The following FOXN2 variants were observed in gnomAD, a reference collection of about 807,000 sequenced individuals.
The protein encoded by FOXN2 is forkhead box protein N2.
In FOXN2, 19 loss-of-function variants were observed where a neutral mutation model predicts 41.2. The observed-to-expected ratio is 0.46, with a 90% CI of 0.32 to 0.68. The LOEUF is 0.68. Among genes scored for constraint, FOXN2 ranks in the 30% least tolerant of loss-of-function variants. The pLI is 0.03. For missense variants in FOXN2, 587 were observed against 509.4 expected, an observed-to-expected ratio of 1.15 and a Z score of -1.47; for synonymous variants, 195 against 176.8, an observed-to-expected ratio of 1.10 and a Z score of -0.82.
chr2:48,334,148 G>A (rs942322274), intron 2 of FOXN2, among the ~76,000 whole-genome samples: 6 of 152,008 alleles, frequency 3.9e-5, no homozygotes, highest in Non-Finnish European at 7.4e-5. Flanking sequence ...AAAAAATCTC[G>A]TTTTGAGAAT....
intron 1 of FOXN2, 101 bp from the exon 2 acceptor site, chr2:48,328,460 A>C (rs565598476): frequency 6.6e-5 from 10 of 152,330 alleles, no homozygotes; most frequent in African/African-American, 2.4e-4. Flanking sequence ...ATAGTTGTTA[A>C]ACTGTATTGT....
In FOXN2 at chr2:48,374,929, C is replaced by T. The variant is rs1673139659; in HGVS notation, c.782C>T (p.Pro261Leu). The T allele has an allele frequency of 1.2e-6, 2 of 1,609,082 alleles. No homozygotes were observed. The highest frequency in any genetic ancestry group is 1.7e-6 in the Non-Finnish European group (2 of 1,176,658). ...IEQGILECEK[P>L]LPLKTALQKK... The stretch of plus-strand genomic sequence containing the variant: ...CTTTTATTTTCCACAGGTGAGAAGC[C>T]TCTTCCTCTTAAAACAGCATTGCAA... The change falls in exon 7 of 7, where the codon CCT (proline) becomes CTT (leucine). Residue 261 changes from proline (P) to leucine (L), a missense_variant. Physicochemically the swap from Pro to Leu is moderately conservative, Grantham distance 98. Transcript: ENST00000340553.
At chr2:48,372,227 C>T (rs1469244645) in intron 5 of FOXN2, among the ~76,000 whole-genome samples, 2 of 152,084 alleles carry the variant, frequency 1.3e-5, no homozygotes, top group African/African-American at 4.8e-5. Context: ...TTCATAGTGG[C>T]CAGCATCTGA....
intron 4 of FOXN2, among the ~76,000 whole-genome samples, chr2:48,362,056 G>A (rs1672223398): frequency 6.6e-6 from 1 of 152,070 alleles, no homozygotes. Flanking sequence ...AGCCTATGTG[G>A]GAGATTTAAT....
rs149285586 is a variant in FOXN2 at position 48,327,181 on chromosome 2, TAAAAC to T, written c.-156-1363_-156-1359del. ...AAATGTCTCAAATTCAACAGGTTTT[TAAAAC>T]AAAACAAAACAAAACACTGCAAACA... On this transcript the variant is annotated intron_variant, in intron 1 of 6. Coordinates refer to ENST00000340553, the MANE Select transcript of FOXN2 (RefSeq NM_002158.4). Among the ~76,000 whole-genome samples, 1,334 of 151,870 alleles carry T rather than the reference TAAAAC, an allele frequency of 8.8e-3. 27 individuals are homozygous for T. The highest frequency in any genetic ancestry group is 0.03 in the African/African-American group (1,235 of 41,386).
chr2:48,318,459 A>G (rs1170126938), intron 1 of FOXN2, among the ~76,000 whole-genome samples: 3 of 152,200 alleles, frequency 2.0e-5, no homozygotes, highest in Non-Finnish European at 4.4e-5. Flanking sequence ...GTCTCATCAC[A>G]TCATATCAAG....
chr2:48,378,860 A>C lies in FOXN2; in HGVS notation c.*3417A>C, dbSNP rs529620313. 1 of 152,474 alleles carries C rather than the reference A, an allele frequency of 6.6e-6. No homozygotes were observed. The highest frequency in any genetic ancestry group is 6.6e-5 in the Admixed American group (1 of 15,262). The allele number at this position is 152,474 out of a possible 1,614,324, so 9.4% of individuals were successfully genotyped here. ...TTCTTTGCATCTAACTGCCAGTGCC[A>C]TTGTCAAAACTTATTTTTTAAATCG... On this transcript the variant is annotated 3_prime_UTR_variant, in exon 7 of 7. Coordinates refer to ENST00000340553, the MANE Select transcript of FOXN2 (RefSeq NM_002158.4).
intron 1 of FOXN2, among the ~76,000 whole-genome samples, chr2:48,320,128 G>A (rs1279654065): frequency 3.3e-5 from 5 of 151,972 alleles, no homozygotes; most frequent in Non-Finnish European, 7.4e-5. Flanking sequence ...CCTTTTGACT[G>A]CACCATGCCT....
chr2:48,363,965 G>A (rs1469666080), intron 5 of FOXN2, among the ~76,000 whole-genome samples: 1 of 152,122 alleles, frequency 6.6e-6, no homozygotes, highest in Non-Finnish European at 1.5e-5. Flanking sequence ...GTCTTGCCAT[G>A]TTGCCCACAC....
chr2:48,319,165 T>C (rs890739543), intron 1 of FOXN2, among the ~76,000 whole-genome samples: 4 of 152,020 alleles, frequency 2.6e-5, no homozygotes, highest in African/African-American at 7.2e-5. Context: ...TTTTTTTTTT[T>C]CTGAGAAGTG....
Position 48,333,252 on chromosome 2 carries a change from TATCTCTTATAC to T in FOXN2, c.-15+4558_-15+4568del, listed in dbSNP as rs1670128218. Among the ~76,000 whole-genome samples, 6 of 152,242 alleles carry T rather than the reference TATCTCTTATAC, an allele frequency of 3.9e-5. No individual in the cohort carries two copies. In the South Asian group the frequency reaches 6.2e-4, roughly 16 times the overall value. On this transcript the variant is annotated intron_variant, in intron 2 of 6. Transcript: ENST00000340553. ...CCAGCAGAGGTTCTTCTGAATAGTATATCTCTTATACATCTCTTTCTCTACCTTTTATCTAC... is the reference window on the plus strand; with the variant it reads ...CCAGCAGAGGTTCTTCTGAATAGTATATCTCTTTCTCTACCTTTTATCTAC...
intron 3 of FOXN2, among the ~76,000 whole-genome samples, chr2:48,357,213 A>T (rs1671851623): frequency 6.6e-6 from 1 of 152,218 alleles, no homozygotes; most frequent in Non-Finnish European, 1.5e-5. Context: ...AACTGCCCTG[A>T]AACTGCACGT....
At position 48,328,613 on chromosome 2, in the gene FOXN2, A is replaced by G. The variant is rs2104194806; in HGVS notation, c.-104A>G. Reference sequence around the variant, plus strand: ...CACAGATGCAGAGGGCTGACTGTACAAGTCTGTCAAAAAACCAAACTGCTG... The same window carrying G: ...CACAGATGCAGAGGGCTGACTGTACGAGTCTGTCAAAAAACCAAACTGCTG... On this transcript the variant is annotated 5_prime_UTR_variant, in exon 2 of 7. Coordinates refer to ENST00000340553, the MANE Select transcript of FOXN2 (RefSeq NM_002158.4). 6.6e-6 allele frequency: 1 copy of G among 152,342 alleles called. No homozygotes were observed. The highest frequency in any genetic ancestry group is 1.9e-4 in the East Asian group (1 of 5,190). 9.4% of individuals were successfully genotyped at this position (152,342 alleles called of 1,614,324 possible).
chr2:48,338,272 T>C (rs191080044), intron 2 of FOXN2, among the ~76,000 whole-genome samples: 9 of 152,194 alleles, frequency 5.9e-5, no homozygotes, highest in African/African-American at 2.2e-4. Context: ...ATACCTCAGG[T>C]TTGCTTGCAG....
In FOXN2 at chr2:48,336,418, A is replaced by AATAT. The variant is rs1553410431; in HGVS notation, c.-15+7725_-15+7728dup. The stretch of plus-strand genomic sequence containing the variant: ...GCAAGCCTCAGTTTCCAAAAAAAAA[A>AATAT]ATATATATATATGTATATGTGTGTG... On this transcript the variant is annotated intron_variant, in intron 2 of 6. Coordinates refer to ENST00000340553, the MANE Select transcript of FOXN2 (RefSeq NM_002158.4). 9.8e-3 allele frequency among the ~76,000 whole-genome samples: 1,445 copies of AATAT among 147,436 alleles called. 31 individuals are homozygous for AATAT. Among genetic ancestry groups the AATAT allele is most frequent in the African/African-American group, 0.031 (1,234 of 39,590 alleles).
intron 4 of FOXN2, 96 bp from the exon 5 acceptor site, chr2:48,362,547 C>A (rs558997258): frequency 1.6e-5 from 16 of 1,010,410 alleles, no homozygotes; most frequent in Non-Finnish European, 2.4e-5. Flanking sequence ...CCAGCCTGGG[C>A]GGCCAGCAGA....
intron 3 of FOXN2, among the ~76,000 whole-genome samples, chr2:48,357,629 G>A (rs1259145363): frequency 2.0e-5 from 3 of 151,704 alleles, no homozygotes; most frequent in African/African-American, 7.3e-5. Context: ...TAGAGACAGA[G>A]TTTTGCTATG....
chr2:48,320,072 C>T (rs1021286829), intron 1 of FOXN2, among the ~76,000 whole-genome samples: 5 of 151,720 alleles, frequency 3.3e-5, no homozygotes, highest in Non-Finnish European at 5.9e-5. Flanking sequence ...AGAGGAAATA[C>T]AGAAAAAAAG....
intron 2 of FOXN2, among the ~76,000 whole-genome samples, chr2:48,333,577 G>T (rs770704563): frequency 3.3e-5 from 5 of 151,990 alleles, no homozygotes; most frequent in Non-Finnish European, 5.9e-5. Flanking sequence ...GTCCCTTAAG[G>T]TAAGCTCTTT....
Sources: gnomAD v4.1 joint callset for allele counts (sites outside exome capture counted in the v4.1 genomes callset) on GRCh38, gnomAD v4.1.1 for gene constraint, MANE v1.5 for transcripts, NCBI Gene and HGNC (gene_info 2026-07-23, HGNC 2026-07-21) for gene names.